LRMDA: variants seen among roughly 807,000 people sequenced by gnomAD.
LRMDA encodes the protein leucine rich melanocyte differentiation associated, also known as leucine-rich melanocyte differentiation-associated protein.
Under a neutral mutation model 29.8 loss-of-function variants are expected in LRMDA, and 18 were observed. That is an observed-to-expected ratio of 0.60 (90% CI 0.42 to 0.90). The LOEUF (loss-of-function observed/expected upper bound fraction) is 0.90. Among genes scored for constraint, LRMDA ranks in the 40% least tolerant of loss-of-function variants. LRMDA has a pLI of 0.00. For missense variants in LRMDA, 273 were observed against 273.9 expected (o/e 1.00, Z 0.02); for synonymous variants, 125 against 109.4 (o/e 1.14, Z -0.89).
At chr10:75,481,889 C>T (rs746916113) in intron 2 of LRMDA, among the ~76,000 whole-genome samples, 1 of 152,162 alleles carries the variant, frequency 6.6e-6, no homozygotes, top group Non-Finnish European at 1.5e-5. Flanking sequence ...TCTCTTACCC[C>T]CACCTTTCCA....
rs1847572682 is a variant in LRMDA at position 76,002,115 on chromosome 10, C to G, written c.132-33893C>G. On this transcript the variant is annotated intron_variant, in intron 2 of 6. Coordinates refer to ENST00000611255, the MANE Select transcript of LRMDA (RefSeq NM_001305581.2). ...GAGCCAGCTCTGTTTCTGGTGAAGA[C>G]TTTTCCCAGCTTGCAGATGGCTGCT... Among the ~76,000 whole-genome samples, 3 of 152,160 alleles carry G rather than the reference C, an allele frequency of 2.0e-5. No homozygotes were observed. The South Asian group carries it at 6.2e-4, about 32-fold the overall frequency.
chr10:76,198,478 G>A (rs985731186), intron 5 of LRMDA, among the ~76,000 whole-genome samples: 2 of 152,226 alleles, frequency 1.3e-5, no homozygotes, highest in Non-Finnish European at 2.9e-5. Flanking sequence ...GTCACACTCA[G>A]CCCTGGCCAT....
intron 2 of LRMDA, among the ~76,000 whole-genome samples, chr10:75,981,732 A>G (rs1160808953): frequency 6.6e-6 from 1 of 151,904 alleles, no homozygotes; most frequent in Non-Finnish European, 1.5e-5. Flanking sequence ...GGCATCTGTA[A>G]TCCCAGGTAC....
intron 2 of LRMDA, among the ~76,000 whole-genome samples, chr10:75,497,720 T>C (rs1589161016): frequency 6.6e-6 from 1 of 152,120 alleles, no homozygotes; most frequent in East Asian, 1.9e-4. Context: ...GTATATATTT[T>C]TGTGTACGTG....
chr10:75,804,166 A>G (rs993943408), intron 2 of LRMDA, among the ~76,000 whole-genome samples: 1 of 152,004 alleles, frequency 6.6e-6, no homozygotes. Flanking sequence ...GAAAGCTATC[A>G]TTTTCTTGAT....
intron 2 of LRMDA, among the ~76,000 whole-genome samples, chr10:75,942,680 G>A (rs1846411810): frequency 6.6e-6 from 1 of 152,130 alleles, no homozygotes; most frequent in African/African-American, 2.4e-5. Context: ...GATTTGGCCT[G>A]GTCAACTTCT....
At chr10:75,614,513 C>T (rs184252057) in intron 2 of LRMDA, among the ~76,000 whole-genome samples, 32 of 152,268 alleles carry the variant, frequency 2.1e-4, no homozygotes, top group Admixed American at 5.2e-4. Flanking sequence ...AAAGAAACCC[C>T]AGTACTCTTT....
intron 2 of LRMDA, among the ~76,000 whole-genome samples, chr10:75,513,065 G>C (rs940680902): frequency 1.3e-5 from 2 of 152,156 alleles, no homozygotes; most frequent in African/African-American, 4.8e-5. Context: ...TAACAGAATT[G>C]AAAGTTCATT....
chr10:76,038,738 C>T (rs541261270), intron 3 of LRMDA, among the ~76,000 whole-genome samples: 21 of 152,296 alleles, frequency 1.4e-4, no homozygotes, highest in African/African-American at 4.8e-4. Context: ...TTCTAGGTTC[C>T]ATATTGTTAT....
At chr10:76,526,849 G>A (rs1293819126) in intron 6 of LRMDA, among the ~76,000 whole-genome samples, 1 of 94,160 alleles carries the variant, frequency 1.1e-5, no homozygotes, top group Non-Finnish European at 2.0e-5. Flanking sequence ...GGGGAGGGGG[G>A]AGGGATAGAT....
chr10:75,748,911 G>A (rs1333717594), intron 2 of LRMDA, among the ~76,000 whole-genome samples: 1 of 152,076 alleles, frequency 6.6e-6, no homozygotes, highest in Non-Finnish European at 1.5e-5. Flanking sequence ...TTATATGTAT[G>A]TGTATCTATA....
intron 6 of LRMDA, among the ~76,000 whole-genome samples, chr10:76,426,174 C>G (rs980615862): frequency 3.9e-5 from 6 of 152,186 alleles, no homozygotes; most frequent in Non-Finnish European, 8.8e-5. Context: ...TGCAGAATCA[C>G]CACACTGACT....
intron 2 of LRMDA, among the ~76,000 whole-genome samples, chr10:75,661,448 A>G (rs1841751648): frequency 6.6e-6 from 1 of 152,186 alleles, no homozygotes; most frequent in Non-Finnish European, 1.5e-5. Context: ...CTGGGACTTG[A>G]GAATCTACAT....
chr10:75,749,360 G>T (rs1200506814), intron 2 of LRMDA, among the ~76,000 whole-genome samples: 1 of 152,030 alleles, frequency 6.6e-6, no homozygotes, highest in Non-Finnish European at 1.5e-5. Context: ...ATTTTTGGCT[G>T]TGGAGGGTTG....
chr10:75,939,084 C>T (rs553637084), intron 2 of LRMDA, among the ~76,000 whole-genome samples: 1 of 152,222 alleles, frequency 6.6e-6, no homozygotes, highest in African/African-American at 2.4e-5. Flanking sequence ...AGATGGATCC[C>T]CCCAAAATCA....
At chr10:75,946,387 G>T (rs1393498271) in intron 2 of LRMDA, among the ~76,000 whole-genome samples, 1 of 152,208 alleles carries the variant, frequency 6.6e-6, no homozygotes, top group African/African-American at 2.4e-5. Context: ...CTGTGCCCCT[G>T]TGCAGGGAGA....
chr10:76,058,318 T>A (rs1165402501), intron 4 of LRMDA, among the ~76,000 whole-genome samples: 4 of 152,212 alleles, frequency 2.6e-5, no homozygotes, highest in African/African-American at 7.2e-5. Context: ...TTACTGAGAA[T>A]TTCTGTGTAG....
chr10:76,049,092 C>T (rs1178383732), intron 4 of LRMDA, among the ~76,000 whole-genome samples: 1 of 152,162 alleles, frequency 6.6e-6, no homozygotes, highest in South Asian at 2.1e-4. Context: ...ATGATTCAGA[C>T]TCAATCCAAG....
intron 6 of LRMDA, among the ~76,000 whole-genome samples, chr10:76,447,879 C>G (rs557950825): frequency 6.6e-6 from 1 of 152,094 alleles, no homozygotes; most frequent in Non-Finnish European, 1.5e-5. Context: ...ATGTCTGTTT[C>G]AGTACTTTTC....
Sources: allele counts gnomAD v4.1 joint callset (sites outside exome capture counted in the v4.1 genomes callset), GRCh38; gene constraint gnomAD v4.1.1; transcripts MANE v1.5; gene names NCBI Gene and HGNC (gene_info 2026-07-23, HGNC 2026-07-21).